The following TOGARAM2 variants were observed in gnomAD, a reference collection of about 807,000 sequenced individuals.
TOGARAM2 encodes the protein TOG array regulator of axonemal microtubules 2, also known as TOG array regulator of axonemal microtubules protein 2.
Under a neutral mutation model 93.3 loss-of-function variants are expected in TOGARAM2, and 85 were observed. The observed-to-expected ratio is 0.91, with a 90% CI of 0.76 to 1.09. TOGARAM2 has a LOEUF of 1.09. TOGARAM2 is among the 50% of genes least tolerant of loss of function. The pLI, the probability that TOGARAM2 is intolerant of heterozygous loss-of-function variation, is 0.00. For synonymous variants in TOGARAM2, 593 were observed against 552.8 expected (o/e 1.07, Z -1.02); for missense variants, 1,277 against 1,334.5 (o/e 0.96, Z 0.67).
intron 1 of TOGARAM2, among the ~76,000 whole-genome samples, chr2:28,992,586 T>A (rs1188498483): frequency 6.6e-6 from 1 of 152,154 alleles, no homozygotes; most frequent in Non-Finnish European, 1.5e-5. Flanking sequence ...AACTTAAGCA[T>A]CCCGTAACCT....
intron 6 of TOGARAM2, among the ~76,000 whole-genome samples, chr2:29,005,743 ATGTGTGTATGTGTG>A (rs2148302420): frequency 8.6e-5 from 1 of 11,574 alleles, no homozygotes; most frequent in South Asian, 2.5e-3. Context: ...GAGCACATAT[ATGTGTGTATGTGTG>A]TGTGTGAGTA....
At chr2:29,040,479 C>T (rs931329058) in intron 18 of TOGARAM2, among the ~76,000 whole-genome samples, 11 of 152,178 alleles carry the variant, frequency 7.2e-5, no homozygotes, top group Admixed American at 2.0e-4. Flanking sequence ...GGTAAATCCA[C>T]CTGATAGCAA....
chr2:28,989,066 T>G (rs1672592802), intron 1 of TOGARAM2, among the ~76,000 whole-genome samples: 1 of 152,236 alleles, frequency 6.6e-6, no homozygotes, highest in Admixed American at 6.5e-5. Context: ...TTTTTATTTT[T>G]TGAGCTGGAG....
chr2:29,045,174 AGTGG>A, intron 18 of TOGARAM2, 146 bp from the exon 19 acceptor site: 1 of 618,614 alleles, frequency 1.6e-6, no homozygotes, highest in East Asian at 2.7e-5. Flanking sequence ...ATTCACTTTA[AGTGG>A]CCCCTTTGTG....
In TOGARAM2 at chr2:28,958,917, C is replaced by A. The variant is rs139419692; in HGVS notation, c.-147+2220C>A. Among the ~76,000 whole-genome samples the A allele has an allele frequency of 7.3e-3, 1,109 of 152,318 alleles. 10 individuals carry two copies. The highest frequency in any genetic ancestry group is 0.025 in the African/African-American group (1,042 of 41,554). On this transcript the variant is annotated intron_variant, in intron 1 of 6. Coordinates refer to the TOGARAM2 transcript ENST00000401723. Reference sequence around the variant, plus strand: ...GGAGGGTGGGGATGTGAGCTTTCTGCGCGCCAGCCCTCTGGGATTGGCTGA... The same window carrying A: ...GGAGGGTGGGGATGTGAGCTTTCTGAGCGCCAGCCCTCTGGGATTGGCTGA...
chr2:29,032,711 A>G (rs1247895963), intron 14 of TOGARAM2: 7 of 487,308 alleles, frequency 1.4e-5, no homozygotes, highest in Middle Eastern at 1.1e-3. Context: ...AAAAAAGACT[A>G]TAGGAAAATA....
chr2:28,999,518 G>A (rs766103108), intron 4 of TOGARAM2, 50 bp downstream of exon 4: 11 of 1,522,090 alleles, frequency 7.2e-6, no homozygotes, highest in Admixed American at 2.2e-5. Flanking sequence ...CCAGGTCAAG[G>A]GCCGCAGGCC....
rs1673604954 is a variant in TOGARAM2, at chr2:29,005,074, G to T, written c.830+1392G>T. On this transcript the variant is annotated intron_variant, in intron 6 of 19. Coordinates refer to ENST00000379558, the MANE Select transcript of TOGARAM2 (RefSeq NM_199280.4). ...TGTGTATGTGTGTGAGTGCATGTGT[G>T]TGCATGTGTATGTGTGAGTGCATGT... Among the ~76,000 whole-genome samples, 5 of 64,982 alleles carry T rather than the reference G, an allele frequency of 7.7e-5. 1 individual carries two copies. Among genetic ancestry groups the T allele is most frequent in the Non-Finnish European group, 1.9e-4 (5 of 25,772 alleles). The allele number at this position is 64,982 out of a possible 152,430, so 42.6% of individuals were successfully genotyped here.
At chr2:29,045,829 A>G in intron 19 of TOGARAM2, 2 of 262,744 alleles carry the variant, frequency 7.6e-6, no homozygotes, top group Non-Finnish European at 7.4e-6. Context: ...AAGCCGAAGT[A>G]CTTCTGGTAC....
chr2:29,003,706 C>T lies in TOGARAM2; in HGVS notation c.830+24C>T, dbSNP rs753443326. On this transcript the variant is annotated intron_variant, in intron 6 of 19. Coordinates refer to ENST00000379558, the MANE Select transcript of TOGARAM2 (RefSeq NM_199280.4). ...CGGTAAGAGCTCCAAGTCAAACCTT[C>T]CTTGCTGACTTCTCTCCCTCTGTCC... 7.5e-6 allele frequency: 11 copies of T among 1,474,532 alleles called. No individual in the cohort carries two copies. In the South Asian group the frequency reaches 1.5e-4, roughly 21 times the overall value. 91.3% of individuals were successfully genotyped at this position (1,474,532 alleles called of 1,614,324 possible).
intron 15 of TOGARAM2, 50 bp downstream of exon 15, chr2:29,033,101 C>T (rs1034322166): frequency 6.7e-7 from 1 of 1,490,854 alleles, no homozygotes; most frequent in South Asian, 1.2e-5. Context: ...GTGGGGGTGA[C>T]AGTGCTGAGC....
At chr2:28,986,418 C>T (rs1019568932) in intron 1 of TOGARAM2, among the ~76,000 whole-genome samples, 9 of 152,170 alleles carry the variant, frequency 5.9e-5, no homozygotes, top group African/African-American at 1.7e-4. Context: ...CCACATTCCT[C>T]GGCTGCGTTG....
At chr2:28,978,949 G>T (rs1672074256), upstream of TOGARAM2, among the ~76,000 whole-genome samples, 1 of 152,112 alleles carries the variant, frequency 6.6e-6, no homozygotes. Flanking sequence ...AACAATTTGG[G>T]GGCTTCTTTA....
chr2:28,965,718 C>T (rs989870931), intron 1 of TOGARAM2, among the ~76,000 whole-genome samples: 3 of 152,174 alleles, frequency 2.0e-5, no homozygotes, highest in Non-Finnish European at 4.4e-5. Context: ...GGCTTTCTGC[C>T]TACCTCCCTC....
At position 29,002,719 on chromosome 2, in the gene TOGARAM2, C is replaced by T. The variant is rs1673381306; in HGVS notation, c.611C>T (p.Pro204Leu). ...GLDLPGSIPG[P>L]HELRPGAQEA... ...GACCTACCGGGGAGCATTCCGGGTC[C>T]TCACGAGTTGAGACCCGGTGCTCAG... The change falls in exon 5 of 20, where the codon CCT (proline) becomes CTT (leucine). Residue 204 changes from proline to leucine, a missense_variant. Pro to Leu is a moderately conservative substitution (Grantham distance 98). Coordinates refer to ENST00000379558, the MANE Select transcript of TOGARAM2 (RefSeq NM_199280.4). The T allele has an allele frequency of 3.1e-6, 5 of 1,613,734 alleles. No homozygotes were observed. The South Asian group carries it at 3.3e-5, about 11-fold the overall frequency.
intron 19 of TOGARAM2, chr2:29,047,284 C>G (rs1193621185): frequency 6.6e-6 from 1 of 152,224 alleles, no homozygotes; most frequent in Non-Finnish European, 1.5e-5. Flanking sequence ...TGCCATTGCT[C>G]AAAGTCAGCA....
chr2:28,978,258 G>T (rs1264391893), upstream of TOGARAM2, among the ~76,000 whole-genome samples: 1 of 152,096 alleles, frequency 6.6e-6, no homozygotes, highest in Non-Finnish European at 1.5e-5. Flanking sequence ...GGCTTTTGGG[G>T]TGGAGGGAAC....
chr2:29,043,560 T>G (rs1359922745), intron 18 of TOGARAM2, among the ~76,000 whole-genome samples: 18 of 151,996 alleles, frequency 1.2e-4, no homozygotes, highest in Admixed American at 1.2e-3. Context: ...ATACACGTGC[T>G]GGGCTGCTGT....
intron 16 of TOGARAM2, 96 bp downstream of exon 16, chr2:29,033,659 A>G: frequency 8.7e-7 from 1 of 1,143,074 alleles, no homozygotes; most frequent in Non-Finnish European, 1.3e-6. Flanking sequence ...GGGTGGACAT[A>G]TGGATCTGGG....
Sources: allele counts gnomAD v4.1 joint callset (sites outside exome capture counted in the v4.1 genomes callset), GRCh38; gene constraint gnomAD v4.1.1; transcripts MANE v1.5; gene names NCBI Gene and HGNC (gene_info 2026-07-23, HGNC 2026-07-21).